The following WWOX variants were observed in gnomAD, a reference collection of about 807,000 sequenced individuals.
WWOX encodes WW domain containing oxidoreductase, also known as WW domain-containing oxidoreductase.
A neutral mutation model predicts 46.2 loss-of-function variants in WWOX; 69 were observed. That is an observed-to-expected ratio of 1.49 (90% confidence interval 1.23 to 1.82). The LOEUF (loss-of-function observed/expected upper bound fraction) is 1.82. Among genes scored for constraint, WWOX ranks in the 40% most tolerant of loss-of-function variants. The pLI is 0.00. For synonymous variants in WWOX, 359 were observed against 202.6 expected (o/e 1.77, Z -6.56); for missense variants, 919 against 542.6 (o/e 1.69, Z -6.89).
At chr16:78,820,561 A>T (rs963504691) in intron 8 of WWOX, among the ~76,000 whole-genome samples, 1 of 152,138 alleles carries the variant, frequency 6.6e-6, no homozygotes, top group Non-Finnish European at 1.5e-5. Context: ...TTAGTGGATG[A>T]ACTTAGGATT....
intron 8 of WWOX, among the ~76,000 whole-genome samples, chr16:79,180,790 C>T (rs558165294): frequency 6.6e-6 from 1 of 152,130 alleles, no homozygotes; most frequent in South Asian, 2.1e-4. Context: ...TCCATTTATC[C>T]ACTCTGAATA....
intron 6 of WWOX, among the ~76,000 whole-genome samples, chr16:78,422,214 T>G (rs1417125048): frequency 6.6e-6 from 1 of 152,196 alleles, no homozygotes; most frequent in South Asian, 2.1e-4. Flanking sequence ...TCTATATGAT[T>G]GCATATATTC....
chr16:79,148,594 C>T (rs9931365), intron 8 of WWOX, among the ~76,000 whole-genome samples: 5,136 of 152,174 alleles, frequency 0.034, 327 homozygotes, highest in African/African-American at 0.12. Context: ...TCTATGTCTA[C>T]CAGAAGCCTT....
chr16:79,027,522 A>C (rs1168786395), intron 8 of WWOX, among the ~76,000 whole-genome samples: 1 of 151,722 alleles, frequency 6.6e-6, no homozygotes, highest in Non-Finnish European at 1.5e-5. Flanking sequence ...ATCATTTTGG[A>C]ATGTCCAATT....
intron 5 of WWOX, among the ~76,000 whole-genome samples, chr16:78,352,311 C>G (rs67646326): frequency 0.15 from 22,723 of 152,158 alleles, 2,227 homozygotes; most frequent in East Asian, 0.37. Context: ...TAGAACCACA[C>G]AAAAGTTACA....
At chr16:78,753,297 C>A (rs907259197) in intron 8 of WWOX, among the ~76,000 whole-genome samples, 1 of 151,432 alleles carries the variant, frequency 6.6e-6, no homozygotes, top group Non-Finnish European at 1.5e-5. Flanking sequence ...CCAGCCTGAG[C>A]GACAGAGTGA....
chr16:78,770,816 C>G (rs4888845), intron 8 of WWOX, among the ~76,000 whole-genome samples: 65,262 of 152,126 alleles, frequency 0.43, 14,753 homozygotes, highest in Middle Eastern at 0.56. Flanking sequence ...TCCTCCCAAG[C>G]CGAGCAATGC....
At chr16:78,326,283 G>A (rs11150058) in intron 5 of WWOX, among the ~76,000 whole-genome samples, 9,800 of 152,218 alleles carry the variant, frequency 0.064, 440 homozygotes, top group African/African-American at 0.12. Flanking sequence ...TATGTTAAGT[G>A]TGCATATGCT....
intron 8 of WWOX, among the ~76,000 whole-genome samples, chr16:79,110,036 C>G (rs956041762): frequency 1.3e-5 from 2 of 152,164 alleles, no homozygotes; most frequent in African/African-American, 4.8e-5. Context: ...TATTGCTAGC[C>G]TGGTAGATAT....
chr16:78,422,650 GT>G (rs1363690932), intron 6 of WWOX, among the ~76,000 whole-genome samples: 1 of 30,248 alleles, frequency 3.3e-5, no homozygotes, highest in Non-Finnish European at 1.1e-4. Flanking sequence ...CCAGCCTCCT[GT>G]TTTTTTTACA....
chr16:78,465,697 G>C (rs1597123714), intron 8 of WWOX, among the ~76,000 whole-genome samples: 1 of 152,132 alleles, frequency 6.6e-6, no homozygotes, highest in Admixed American at 6.6e-5. Flanking sequence ...TGTAAATTTA[G>C]CATATTTCCT....
At chr16:79,139,261 C>T (rs2050042053) in intron 8 of WWOX, among the ~76,000 whole-genome samples, 1 of 152,250 alleles carries the variant, frequency 6.6e-6, no homozygotes, top group African/African-American at 2.4e-5. Flanking sequence ...TTTCTTTGTG[C>T]TGCTGCTGAT....
At chr16:78,821,759 A>C (rs1435606137) in intron 8 of WWOX, among the ~76,000 whole-genome samples, 1 of 152,236 alleles carries the variant, frequency 6.6e-6, no homozygotes, top group Non-Finnish European at 1.5e-5. Flanking sequence ...GTCTTTGAGA[A>C]AATGCAAAGT....
intron 4 of WWOX, among the ~76,000 whole-genome samples, 155 bp downstream of exon 4, chr16:78,115,309 A>C (rs901480597): frequency 3.3e-5 from 5 of 152,108 alleles, no homozygotes; most frequent in Non-Finnish European, 7.3e-5. Context: ...CCTCTTTTTA[A>C]ATCCTAATGT....
chr16:78,454,110 A>G (rs1030773619), intron 8 of WWOX, among the ~76,000 whole-genome samples: 3 of 152,216 alleles, frequency 2.0e-5, no homozygotes, highest in Non-Finnish European at 2.9e-5. Flanking sequence ...AGCCTCTTCC[A>G]GTATTCTAGA....
Position 78,661,142 on chromosome 16 carries a change from A to G in WWOX, c.1056+228390A>G, listed in dbSNP as rs146085192. Reference sequence around the variant, plus strand: ...AGGCACTGTGTACACCTTTGAAACAATTAACTTCACCAAAATTACTAAACT... The same window carrying G: ...AGGCACTGTGTACACCTTTGAAACAGTTAACTTCACCAAAATTACTAAACT... On this transcript the variant is annotated intron_variant, in intron 8 of 8. Coordinates refer to ENST00000566780, the MANE Select transcript of WWOX (RefSeq NM_016373.4). Among the ~76,000 whole-genome samples the G allele has an allele frequency of 4.6e-5, 7 of 152,252 alleles. No individual in the cohort carries two copies. In the East Asian group the frequency reaches 1.2e-3, roughly 25 times the overall value.
chr16:78,653,591 T>C (rs1231733621), intron 8 of WWOX, among the ~76,000 whole-genome samples: 3 of 152,246 alleles, frequency 2.0e-5, no homozygotes, highest in Non-Finnish European at 4.4e-5. Flanking sequence ...TGGCGCAGCC[T>C]GGACTAGCAG....
At chr16:78,702,650 GT>G (rs1232448445) in intron 8 of WWOX, among the ~76,000 whole-genome samples, 2 of 136,814 alleles carry the variant, frequency 1.5e-5, no homozygotes, top group South Asian at 2.4e-4. Flanking sequence ...GCAAGACTCT[GT>G]CTCAAAAAAA....
In WWOX at chr16:78,619,361, CA is replaced by C. The variant is rs375477648; in HGVS notation, c.1056+186626del. 1.7e-3 allele frequency among the ~76,000 whole-genome samples: 120 copies of C among 70,710 alleles called. 2 individuals carry two copies. The highest frequency in any genetic ancestry group is 2.7e-3 in the Admixed American group (14 of 5,274). 46.4% of individuals were successfully genotyped at this position (70,710 alleles called of 152,430 possible). On this transcript the variant is annotated intron_variant, in intron 8 of 8. Coordinates refer to ENST00000566780, the MANE Select transcript of WWOX (RefSeq NM_016373.4). ...TGGGCAACAGAGCAAGACGCCATCT[CA>C]AAAAAAAAAAAAAAAAGTGTAATGC...
Sources: gnomAD v4.1 joint callset for allele counts (sites outside exome capture counted in the v4.1 genomes callset) on GRCh38, gnomAD v4.1.1 for gene constraint, MANE v1.5 for transcripts, NCBI Gene and HGNC (gene_info 2026-07-23, HGNC 2026-07-21) for gene names.